Variants in XYLT2 observed in about 807,000 individuals in gnomAD.
XYLT2 encodes UDP-D-xylose:proteoglycan core protein beta-D-xylosyltransferase.
In XYLT2, 37 loss-of-function variants were observed where a neutral mutation model predicts 82.6. The ratio of observed to expected loss-of-function variants is 0.45; its 90% confidence interval spans 0.34 to 0.59. XYLT2 has a LOEUF of 0.59. XYLT2 is among the 20% of genes least tolerant of loss of function. The pLI is 0.01. For missense variants in XYLT2, 934 were observed against 1,181.3 expected, an observed-to-expected ratio of 0.79 and a Z score of 3.07; for synonymous variants, 474 against 499.0, an observed-to-expected ratio of 0.95 and a Z score of 0.67.
chr17:50,351,624 ACT>A (rs1186606521), intron 1 of XYLT2, among the ~76,000 whole-genome samples: 4 of 152,092 alleles, frequency 2.6e-5, no homozygotes, highest in African/African-American at 7.2e-5. Flanking sequence ...ACAGAGCAAG[ACT>A]CTATCTAAAA....
At chr17:50,355,279 G>A (rs541890798) in intron 4 of XYLT2, among the ~76,000 whole-genome samples, 1 of 152,182 alleles carries the variant, frequency 6.6e-6, no homozygotes, top group Non-Finnish European at 1.5e-5. Context: ...GGAGGAGCCA[G>A]AGGTCTGTAC....
At chr17:50,356,900 G>A (rs1001055462) in intron 8 of XYLT2, 127 bp downstream of exon 8, 38 of 1,484,476 alleles carry the variant, frequency 2.6e-5, no homozygotes, top group East Asian at 9.2e-5. Flanking sequence ...TGCAAATACC[G>A]AAAAGACGGC....
chr17:50,360,204 G>A lies in XYLT2; in HGVS notation c.2511G>A (p.Glu837=). 2 of 1,614,086 alleles carry A rather than the reference G, an allele frequency of 1.2e-6. No individual in the cohort carries two copies. Among genetic ancestry groups the A allele is most frequent in the East Asian group, 2.2e-5 (1 of 44,884 alleles). ...GCCCCTCTCCCTGCCCCTCCCTGGA[G>A]CCCTGCAGACTGACCAGCTGGAGCT... ...AIGPSPCPSL[E]PCRLTSWSSL... Residue 837 remains glutamate, a synonymous_variant, in exon 11 of 11, where the codon GAG becomes GAA. Transcript: ENST00000017003.
At chr17:50,347,667 A>C (rs1912097817) in intron 1 of XYLT2, among the ~76,000 whole-genome samples, 1 of 152,140 alleles carries the variant, frequency 6.6e-6, no homozygotes, top group Non-Finnish European at 1.5e-5. Context: ...CCCATCCCCC[A>C]CCACCTCCTC....
chr17:50,347,648 G>C (rs1912097059), intron 1 of XYLT2, among the ~76,000 whole-genome samples: 1 of 152,230 alleles, frequency 6.6e-6, no homozygotes, highest in African/African-American at 2.4e-5. Context: ...ACCACTCTGG[G>C]CTACCGCCCC....
At position 50,346,535 on chromosome 17, in the gene XYLT2, T is replaced by C. The variant is rs1912050658; in HGVS notation, c.135+260T>C. ...GGAGTCGGGCGGGGGGAGCAGGTCA[T>C]GCTAGGGTGGTCTCCGGCCAAGGGA... On this transcript the variant is annotated intron_variant, in intron 1 of 10. Coordinates refer to ENST00000017003, the MANE Select transcript of XYLT2 (RefSeq NM_022167.4). This position sits in a 1 kb window ranked among gnomAD's most constrained non-coding sequence, Gnocchi z 5.1. 3 of 925,162 alleles carry C rather than the reference T, an allele frequency of 3.2e-6. No individual in the cohort carries two copies. The East Asian group carries it at 3.5e-4, about 109-fold the overall frequency. 57.3% of individuals were successfully genotyped at this position (925,162 alleles called of 1,614,324 possible). A position where few individuals can be genotyped will look rare whatever the true frequency, so the allele number is the denominator to read the frequency against.
Position 50,353,931 on chromosome 17 carries a change from G to A in XYLT2, c.437G>A (p.Ser146Asn), listed in dbSNP as rs1459449407. ...TTCCCACCACACGGAGATACAGGGA[G>A]CGTGGAGGGCGCCCCCCAGCCCACG... is the stretch of plus-strand genomic sequence containing the variant. ...AGFPPHGDTG[S>N]VEGAPQPTDN... The change falls in exon 2 of 11, where the codon AGC becomes AAC. Residue 146 changes from serine (S) to asparagine (N), a missense_variant. Physicochemically the swap from Ser to Asn is conservative, Grantham distance 46 (BLOSUM62 1). This residue lies in a region of XYLT2 where 371 missense variants were observed against 394.9 expected (regional missense o/e 0.94). Transcript: ENST00000017003. 1.3e-5 allele frequency: 21 copies of A among 1,607,606 alleles called. No individual in the cohort carries two copies. Among genetic ancestry groups the A allele is most frequent in the Non-Finnish European group, 1.7e-5 (20 of 1,179,846 alleles).
Position 50,355,530 on chromosome 17 carries a change from C to T in XYLT2, c.1037C>T (p.Ser346Phe), listed in dbSNP as rs144744293. The change falls in exon 5 of 11, where the codon TCC becomes TTC. Residue 346 changes from serine to phenylalanine, a missense_variant. Transcript: ENST00000017003. The part of the protein sequence containing the change: ...RTNEELVAFL[S>F]KNRDKNFLKS... ...AATGAGGAGCTGGTGGCATTCCTAT[C>T]CAAGAACCGGGACAAGAATTTCCTC... 1.2e-6 allele frequency: 2 copies of T among 1,614,174 alleles called. No individual in the cohort carries two copies. The highest frequency in any genetic ancestry group is 1.7e-6 in the Non-Finnish European group (2 of 1,180,032).
intron 1 of XYLT2, among the ~76,000 whole-genome samples, chr17:50,348,880 C>T (rs1912144170): frequency 6.6e-6 from 1 of 152,190 alleles, no homozygotes; most frequent in South Asian, 2.1e-4. Flanking sequence ...GGCTCCTGAC[C>T]TCAGGGGCTG....
At position 50,356,229 on chromosome 17, in the gene XYLT2, G is replaced by A. The variant is rs563509039; in HGVS notation, c.1450G>A (p.Asp484Asn). 39 of 1,614,124 alleles carry A rather than the reference G, an allele frequency of 2.4e-5. No individual in the cohort carries two copies. The East Asian group carries it at 5.6e-4, about 23-fold the overall frequency. The change falls in exon 7 of 11, where the codon GAC becomes AAC. Residue 484 changes from aspartate (D) to asparagine (N), a missense_variant. Coordinates refer to ENST00000017003, the MANE Select transcript of XYLT2 (RefSeq NM_022167.4). ...GGACTGGTGTGGCTGCTCCCCCAAC[G>A]ACTTCAAGCCACAGGACTTCCTCCG... ...IVDWCGCSPN[D>N]FKPQDFLRLQ... is the part of the protein sequence containing the mutation.
intron 1 of XYLT2, among the ~76,000 whole-genome samples, chr17:50,350,475 A>G (rs12601776): frequency 0.026 from 2,148 of 82,494 alleles, 20 homozygotes; most frequent in East Asian, 0.062. Context: ...GCTGAGGCAC[A>G]AGAATCGCTT....
intron 1 of XYLT2, 100 bp from the exon 2 acceptor site, chr17:50,353,529 AG>A: frequency 6.7e-7 from 1 of 1,482,672 alleles, no homozygotes; most frequent in Non-Finnish European, 9.0e-7. Context: ...AAAGGTGGGC[AG>A]GAACATCTAG....
chr17:50,357,016 T>C, intron 8 of XYLT2, 41 bp from the exon 9 acceptor site: 1 of 1,552,234 alleles, frequency 6.4e-7, no homozygotes, highest in Non-Finnish European at 8.7e-7. Flanking sequence ...CCAAGTCAGG[T>C]GTGCTGATGG....
At chr17:50,355,661 C>G (rs1567806886) in intron 5 of XYLT2, 80 bp downstream of exon 5, 3 of 1,595,980 alleles carry the variant, frequency 1.9e-6, no homozygotes, top group East Asian at 2.2e-5. Flanking sequence ...GTGGCTCCAG[C>G]CCTGGGTTTC....
chr17:50,347,794 C>A lies in XYLT2; in HGVS notation c.135+1519C>A, dbSNP rs543351050. On this transcript the variant is annotated intron_variant, in intron 1 of 10. Coordinates refer to ENST00000017003, the MANE Select transcript of XYLT2 (RefSeq NM_022167.4). ...CCCTCAGCTGCTCCCTCACCTGACT[C>A]TGGGGTTGCCAGGCAGCATAACGGG... Among the ~76,000 whole-genome samples the A allele has an allele frequency of 9.2e-5, 14 of 152,350 alleles. 1 individual carries two copies. The South Asian group carries it at 2.9e-3, about 32-fold the overall frequency.
At position 50,361,069 on chromosome 17, in the gene XYLT2, CAGA is replaced by C. The variant is rs1293267328; in HGVS notation, c.*783_*785del. ...GGGAAGAAGACTCTGTCAAGACTCT[CAGA>C]AGAACCTGGAGTAATTGTGCCTGAA... On this transcript the variant is annotated 3_prime_UTR_variant, in exon 11 of 11. Transcript: ENST00000017003. The C allele has an allele frequency of 2.0e-5, 20 of 985,810 alleles. No individual in the cohort carries two copies. The highest frequency in any genetic ancestry group is 2.3e-5 in the Non-Finnish European group (19 of 829,980). The allele number at this position is 985,810 out of a possible 1,614,324, so 61.1% of individuals were successfully genotyped here. A position where few individuals can be genotyped will look rare whatever the true frequency, so the allele number is the denominator to read the frequency against.
Position 50,356,755 on chromosome 17 carries a change from T to G in XYLT2, c.1727T>G (p.Met576Arg). Residue 576 changes from methionine to arginine, a missense_variant, in exon 8 of 11, where the codon ATG (methionine) becomes AGG (arginine). Physicochemically the swap from Met to Arg is moderately conservative, Grantham distance 91. This residue lies in a region of XYLT2 where 374 missense variants were observed against 465.6 expected (regional missense o/e 0.80). Transcript: ENST00000017003. ...LHHAATAAPP[M>R]GTPLCRFEPR... ...CATGCCGCCACTGCTGCACCCCCAATGGGCACCCCACTCTGCAGGTGAGAC... is the reference window on the plus strand; with the variant it reads ...CATGCCGCCACTGCTGCACCCCCAAGGGGCACCCCACTCTGCAGGTGAGAC... 6.2e-7 allele frequency: 1 copy of G among 1,604,194 alleles called. No individual in the cohort carries two copies. The highest frequency in any genetic ancestry group is 1.3e-5 in the African/African-American group (1 of 75,008).
Position 50,346,398 on chromosome 17 carries a change from G to T in XYLT2, c.135+123G>T, listed in dbSNP as rs1016713049. The T allele has an allele frequency of 4.1e-6, 4 of 967,134 alleles. No homozygotes were observed. In the African/African-American group the frequency reaches 7.0e-5, roughly 17 times the overall value. The allele number at this position is 967,134 out of a possible 1,614,324, so 59.9% of individuals were successfully genotyped here. On this transcript the variant is annotated intron_variant, in intron 1 of 10. Transcript: ENST00000017003. The surrounding 1 kb of genome is among the most constrained non-coding windows in gnomAD (Gnocchi z 5.1). ...GCCGCGTGCGTGCGTGCGGGGCGCC[G>T]GCGGTCGCCCAGAGCGGAGCATCCG...
intron 1 of XYLT2, among the ~76,000 whole-genome samples, chr17:50,347,106 A>C (rs1237618201): frequency 6.6e-6 from 1 of 151,988 alleles, no homozygotes; most frequent in African/African-American, 2.4e-5. Flanking sequence ...TTTCAGCGGG[A>C]GGCTCAGACA....
Sources: allele counts gnomAD v4.1 joint callset (sites outside exome capture counted in the v4.1 genomes callset), GRCh38; gene constraint gnomAD v4.1.1; regional missense constraint gnomAD v4.1.1; non-coding constraint Gnocchi (gnomAD v3.1); transcripts MANE v1.5; gene names NCBI Gene and HGNC (gene_info 2026-07-23, HGNC 2026-07-21).